The following TMEM132B variants were observed in gnomAD, a reference collection of about 807,000 sequenced individuals.
TMEM132B encodes transmembrane protein 132B.
Under a neutral mutation model 90.8 loss-of-function variants are expected in TMEM132B, and 18 were observed. The observed-to-expected ratio is 0.20, with a 90% CI of 0.14 to 0.29. The LOEUF is 0.29. Ranked by LOEUF, TMEM132B falls within the 10% of genes least tolerant of loss-of-function variation. The probability of loss-of-function intolerance (pLI) is 1.00; values close to 1 mark genes in which losing one functional copy is unlikely to be tolerated. For missense variants in TMEM132B, 1,096 were observed against 1,326.8 expected, an observed-to-expected ratio of 0.83 and a Z score of 2.70; for synonymous variants, 504 against 523.3, an observed-to-expected ratio of 0.96 and a Z score of 0.50.
chr12:125,311,171 C>T (rs1227560684), intron 1 of TMEM132B, among the ~76,000 whole-genome samples: 1 of 152,096 alleles, frequency 6.6e-6, no homozygotes, highest in Non-Finnish European at 1.5e-5. Context: ...AAGGGAGATT[C>T]TTTCTTACGG....
intron 3 of TMEM132B, among the ~76,000 whole-genome samples, chr12:125,517,983 G>A (rs1883210007): frequency 6.6e-6 from 1 of 152,086 alleles, no homozygotes; most frequent in Admixed American, 6.5e-5. Context: ...CACGTAAATG[G>A]CCATTTGTGG....
intron 1 of TMEM132B, among the ~76,000 whole-genome samples, chr12:125,317,870 G>A (rs1339786585): frequency 6.6e-6 from 1 of 152,168 alleles, no homozygotes; most frequent in Non-Finnish European, 1.5e-5. Context: ...CTAGGTAAGT[G>A]GAAATGCAAA....
rs1243221428 is a variant in TMEM132B, at chr12:125,209,171, A to G, written c.67+22305A>G. ...GGTGGTGGTGAGAGGCTTGGGGATT[A>G]AAGGGAAGAAAAAGAAAAGGGGAAG... is the stretch of plus-strand genomic sequence containing the variant. On this transcript the variant is annotated intron_variant, in intron 1 of 8. Transcript: ENST00000682704. The surrounding 1 kb of genome is among the most constrained non-coding windows in gnomAD (Gnocchi z 4.4). 2.0e-5 allele frequency among the ~76,000 whole-genome samples: 3 copies of G among 152,126 alleles called. No homozygotes were observed. Among genetic ancestry groups the G allele is most frequent in the African/African-American group, 7.2e-5 (3 of 41,428 alleles).
intron 1 of TMEM132B, among the ~76,000 whole-genome samples, chr12:125,271,810 C>A (rs1334728430): frequency 6.6e-6 from 1 of 151,356 alleles, no homozygotes; most frequent in Admixed American, 6.6e-5. Context: ...TATATTTGAC[C>A]ATATCTACAG....
At chr12:125,236,760 T>A (rs778960242) in intron 1 of TMEM132B, among the ~76,000 whole-genome samples, 4 of 152,374 alleles carry the variant, frequency 2.6e-5, no homozygotes, top group Middle Eastern at 3.4e-3. Context: ...TTACCCTGGC[T>A]TCTCTGTCTT....
At chr12:125,462,614 G>A (rs1028739025) in intron 3 of TMEM132B, among the ~76,000 whole-genome samples, 1 of 152,196 alleles carries the variant, frequency 6.6e-6, no homozygotes, top group Admixed American at 6.5e-5. Flanking sequence ...AGATGTCCCC[G>A]AAGTGAGGCA....
chr12:125,314,245 C>A (rs747583331), intron 1 of TMEM132B, among the ~76,000 whole-genome samples: 2 of 152,148 alleles, frequency 1.3e-5, no homozygotes, highest in Admixed American at 1.3e-4. Context: ...TCTGTGTGGG[C>A]GTCTGGAAAC....
intron 1 of TMEM132B, among the ~76,000 whole-genome samples, chr12:125,205,214 T>C (rs1310245081): frequency 1.3e-5 from 2 of 152,128 alleles, no homozygotes; most frequent in East Asian, 3.9e-4. Context: ...ATCTCATGAG[T>C]CCTTTCAATG....
At chr12:125,228,351 G>A (rs1873729191) in intron 1 of TMEM132B, among the ~76,000 whole-genome samples, 1 of 152,220 alleles carries the variant, frequency 6.6e-6, no homozygotes, top group South Asian at 2.1e-4. Context: ...GTAGGCGAGT[G>A]AGGAGGGATT....
At chr12:125,356,686 C>T (rs780873025) in intron 2 of TMEM132B, among the ~76,000 whole-genome samples, 29 of 152,244 alleles carry the variant, frequency 1.9e-4, no homozygotes, top group Non-Finnish European at 3.5e-4. Context: ...GGAGTTAAGG[C>T]TCAGGCCGCC....
chr12:125,625,914 A>AT (rs1049700341), intron 5 of TMEM132B, among the ~76,000 whole-genome samples: 2 of 152,086 alleles, frequency 1.3e-5, no homozygotes, highest in East Asian at 1.9e-4. Context: ...GCTGTTATGC[A>AT]TTTTTTTCTG....
At chr12:125,241,930 A>G (rs1003596054) in intron 1 of TMEM132B, among the ~76,000 whole-genome samples, 3 of 152,138 alleles carry the variant, frequency 2.0e-5, no homozygotes, top group Non-Finnish European at 4.4e-5. Context: ...ATCGGACTAG[A>G]AGGCAGACCC....
chr12:125,195,315 G>A (rs1872899714), intron 1 of TMEM132B, among the ~76,000 whole-genome samples: 1 of 151,096 alleles, frequency 6.6e-6, no homozygotes, highest in Admixed American at 6.6e-5. Context: ...TAAACACACC[G>A]TTCATTACCT....
chr12:125,514,126 G>A (rs550734817), intron 3 of TMEM132B, among the ~76,000 whole-genome samples: 2 of 152,274 alleles, frequency 1.3e-5, no homozygotes, highest in East Asian at 1.9e-4. Context: ...ACAGACTTAC[G>A]GCCTGGAAGG....
chr12:125,478,302 A>C (rs914334252), intron 3 of TMEM132B, among the ~76,000 whole-genome samples: 3 of 152,232 alleles, frequency 2.0e-5, no homozygotes, highest in African/African-American at 7.2e-5. Flanking sequence ...GAAAGTCGGT[A>C]ATAACAAACT....
intron 1 of TMEM132B, among the ~76,000 whole-genome samples, chr12:125,322,589 G>A (rs940669829): frequency 1.3e-5 from 2 of 152,136 alleles, no homozygotes; most frequent in East Asian, 1.9e-4. Flanking sequence ...CTAAATTGTG[G>A]CAATGGTTGC....
At position 125,653,942 on chromosome 12, in the gene TMEM132B, C is replaced by T; in HGVS notation, c.2484C>T (p.Asn828=). Residue 828 remains asparagine, a synonymous_variant, in exon 9 of 9, where the codon AAC becomes AAT. Transcript: ENST00000682704. ...HLSNSIEREG[N]QERAVQEWFH... Reference sequence around the variant, plus strand: ...GTAATTCCATAGAGCGCGAAGGAAACCAGGAGAGAGCAGTCCAGGAATGGT... The same window carrying T: ...GTAATTCCATAGAGCGCGAAGGAAATCAGGAGAGAGCAGTCCAGGAATGGT... The T allele has an allele frequency of 6.2e-7, 1 of 1,614,140 alleles. No individual in the cohort carries two copies. The highest frequency in any genetic ancestry group is 1.1e-5 in the South Asian group (1 of 91,072).
chr12:125,439,125 A>G (rs1880788478), intron 3 of TMEM132B, among the ~76,000 whole-genome samples: 1 of 149,610 alleles, frequency 6.7e-6, no homozygotes, highest in Non-Finnish European at 1.5e-5. Context: ...TTTGCTTTGG[A>G]TTGTCTTGGC....
chr12:125,365,868 A>G (rs1878116075), intron 2 of TMEM132B, among the ~76,000 whole-genome samples: 1 of 152,156 alleles, frequency 6.6e-6, no homozygotes, highest in African/African-American at 2.4e-5. Context: ...TGTTGGGAAC[A>G]TTAGAATTCT....
Sources: allele counts gnomAD v4.1 joint callset (sites outside exome capture counted in the v4.1 genomes callset), GRCh38; gene constraint gnomAD v4.1.1; non-coding constraint Gnocchi (gnomAD v3.1); transcripts MANE v1.5; gene names NCBI Gene and HGNC (gene_info 2026-07-23, HGNC 2026-07-21).